The following DPP10 variants were observed in gnomAD, a reference collection of about 807,000 sequenced individuals.
DPP10 encodes the protein inactive dipeptidyl peptidase 10.
DPP10 carries 33 observed loss-of-function variants against 120.9 expected under a neutral mutation model. The observed-to-expected ratio is 0.27, with a 90% CI of 0.21 to 0.37. DPP10 has a LOEUF of 0.37. Ranked by LOEUF, DPP10 falls within the 10% of genes least tolerant of loss-of-function variation. DPP10 has a pLI of 1.00. For missense variants in DPP10, 816 were observed against 942.8 expected (o/e 0.87, Z 1.76); for synonymous variants, 337 against 326.1 (o/e 1.03, Z -0.36).
intron 1 of DPP10, among the ~76,000 whole-genome samples, chr2:114,662,605 C>T (rs921764638): frequency 2.0e-5 from 3 of 152,204 alleles, no homozygotes; most frequent in African/African-American, 4.8e-5. Context: ...CCTGAGAACA[C>T]GGTCCAGGGA....
intron 1 of DPP10, among the ~76,000 whole-genome samples, chr2:114,644,379 T>C (rs1695960403): frequency 1.3e-5 from 2 of 151,802 alleles, no homozygotes; most frequent in South Asian, 4.1e-4. Context: ...TGTGTGTGTG[T>C]ATTATATATA....
intron 1 of DPP10, among the ~76,000 whole-genome samples, chr2:114,468,238 T>G (rs943528574): frequency 6.6e-6 from 1 of 151,970 alleles, no homozygotes; most frequent in African/African-American, 2.4e-5. Flanking sequence ...TGACATTGTC[T>G]AGGTCTGCCT....
chr2:114,670,214 T>C (rs1407369791), intron 1 of DPP10, among the ~76,000 whole-genome samples: 1 of 152,158 alleles, frequency 6.6e-6, no homozygotes, highest in African/African-American at 2.4e-5. Context: ...TAAAGACACA[T>C]GCACACGTAT....
intron 1 of DPP10, among the ~76,000 whole-genome samples, chr2:114,689,157 T>C (rs1699571578): frequency 6.6e-6 from 1 of 151,880 alleles, no homozygotes; most frequent in South Asian, 2.1e-4. Context: ...CATGGTGTCT[T>C]GCTGCACAAA....
intron 1 of DPP10, among the ~76,000 whole-genome samples, chr2:114,489,491 T>G (rs1216870641): frequency 6.6e-6 from 1 of 152,238 alleles, no homozygotes. Flanking sequence ...AATTAAATAC[T>G]ATTCTGACAA....
intron 5 of DPP10, among the ~76,000 whole-genome samples, chr2:115,567,824 T>C (rs10200041): frequency 0.99 from 150,144 of 152,250 alleles, 74,073 homozygotes; most frequent in East Asian, 1. Context: ...TTGAGTGTGC[T>C]AGTTTCCCTT....
chr2:115,662,337 AG>A (rs1168896332), intron 5 of DPP10, among the ~76,000 whole-genome samples: 1 of 152,206 alleles, frequency 6.6e-6, no homozygotes, highest in African/African-American at 2.4e-5. Flanking sequence ...AGTTGTGCAT[AG>A]ATCTCTTAAG....
At chr2:115,022,339 C>T (rs188031831) in intron 1 of DPP10, among the ~76,000 whole-genome samples, 51 of 151,704 alleles carry the variant, frequency 3.4e-4, no homozygotes, top group East Asian at 1.2e-3. Flanking sequence ...TTAATGTACG[C>T]GAATCAGTAG....
chr2:114,716,530 G>A (rs1462719005), intron 1 of DPP10, among the ~76,000 whole-genome samples: 2 of 152,102 alleles, frequency 1.3e-5, no homozygotes, highest in Non-Finnish European at 2.9e-5. Context: ...ACTTTATGTA[G>A]GACAAGAAGG....
chr2:114,559,316 G>A (rs1324008492), intron 1 of DPP10, among the ~76,000 whole-genome samples: 7 of 152,258 alleles, frequency 4.6e-5, no homozygotes, highest in South Asian at 2.1e-4. Flanking sequence ...AAGAGGCAGA[G>A]GTCAGAGTGA....
At chr2:114,863,051 T>C (rs1307012301) in intron 1 of DPP10, among the ~76,000 whole-genome samples, 1 of 152,194 alleles carries the variant, frequency 6.6e-6, no homozygotes, top group Non-Finnish European at 1.5e-5. Context: ...AAAAAGTGTG[T>C]GTGTGTGTGC....
At chr2:115,839,324 G>A (rs1188468998) in intron 24 of DPP10, among the ~76,000 whole-genome samples, 1 of 152,136 alleles carries the variant, frequency 6.6e-6, no homozygotes, top group Non-Finnish European at 1.5e-5. Context: ...TAGAGTTAGA[G>A]CATTAAAGAG....
intron 1 of DPP10, among the ~76,000 whole-genome samples, chr2:114,803,367 G>A (rs1270784417): frequency 6.6e-6 from 1 of 152,206 alleles, no homozygotes. Context: ...GTGGGGCATT[G>A]CTTAAAAGAT....
chr2:114,819,305 G>C (rs1001873685), intron 1 of DPP10, among the ~76,000 whole-genome samples: 1 of 150,804 alleles, frequency 6.6e-6, no homozygotes, highest in African/African-American at 2.4e-5. Flanking sequence ...GTGCTATTCT[G>C]ACCTAGCTAC....
At chr2:115,145,604 G>A (rs1371783680) in intron 1 of DPP10, among the ~76,000 whole-genome samples, 1 of 152,144 alleles carries the variant, frequency 6.6e-6, no homozygotes. Context: ...ATACAGTGCT[G>A]TAAACATCTC....
intron 1 of DPP10, among the ~76,000 whole-genome samples, chr2:114,890,389 T>A (rs905396722): frequency 2.0e-5 from 3 of 152,106 alleles, no homozygotes; most frequent in African/African-American, 7.2e-5. Flanking sequence ...GGCATAAAAC[T>A]ACCACCCACT....
intron 5 of DPP10, among the ~76,000 whole-genome samples, chr2:115,576,100 T>C (rs2081637894): frequency 6.6e-6 from 1 of 152,222 alleles, no homozygotes; most frequent in African/African-American, 2.4e-5. Context: ...AACTGTAAGA[T>C]AATACATTTG....
In DPP10 at chr2:115,309,212, A is replaced by G. The variant is rs1169356159; in HGVS notation, c.61-27A>G. The G allele has an allele frequency of 2.5e-6, 4 of 1,588,296 alleles. No individual in the cohort carries two copies. The South Asian group carries it at 4.4e-5, about 18-fold the overall frequency. On this transcript the variant is annotated intron_variant, in intron 1 of 25. Coordinates refer to ENST00000410059, the MANE Select transcript of DPP10 (RefSeq NM_020868.6). ...CATTTCTCTTGGAGCATGAATAATTACAAAACTTTTTTTTCTATCTCGGTA... is the reference window on the plus strand; with the variant it reads ...CATTTCTCTTGGAGCATGAATAATTGCAAAACTTTTTTTTCTATCTCGGTA...
chr2:115,374,395 C>T (rs1207505160), intron 3 of DPP10, among the ~76,000 whole-genome samples: 1 of 152,188 alleles, frequency 6.6e-6, no homozygotes, highest in Non-Finnish European at 1.5e-5. Context: ...CCCTGTGGCT[C>T]TGCAGGATAC....
Sources: gnomAD v4.1 joint callset for allele counts (sites outside exome capture counted in the v4.1 genomes callset) on GRCh38, gnomAD v4.1.1 for gene constraint, MANE v1.5 for transcripts, NCBI Gene and HGNC (gene_info 2026-07-23, HGNC 2026-07-21) for gene names.